The following SATB2 variants were observed in gnomAD, a reference collection of about 807,000 sequenced individuals.
SATB2 encodes the protein SATB homeobox 2.
Under a neutral mutation model 73.4 loss-of-function variants are expected in SATB2, and 1 was observed. The observed-to-expected ratio is 0.01, with a 90% confidence interval of 0.00 to 0.06. The LOEUF (loss-of-function observed/expected upper bound fraction) is 0.06, where lower values mean the gene tolerates loss of function less well. Ranked by LOEUF, SATB2 falls within the 10% of genes least tolerant of loss-of-function variation. The pLI is 1.00. For synonymous variants in SATB2, 397 were observed against 367.0 expected (o/e 1.08, Z -0.93); for missense variants, 459 against 945.8 (o/e 0.49, Z 6.75).
chr2:199,308,111 C>A lies in SATB2; in HGVS notation c.1740+649G>T, dbSNP rs978991905. Among the ~76,000 whole-genome samples, 1 of 152,166 alleles carries A rather than the reference C, an allele frequency of 6.6e-6. No individual in the cohort carries two copies. The highest frequency in any genetic ancestry group is 1.5e-5 in the Non-Finnish European group (1 of 68,036). The stretch of plus-strand genomic sequence containing the variant: ...ATTAATTTTAGACTATGGAAAGTGT[C>A]AGTAGTTAAACTCAATTACTATGGC... On this transcript the variant is annotated intron_variant, in intron 10 of 10. Coordinates refer to ENST00000417098, the MANE Select transcript of SATB2 (RefSeq NM_001172509.2). The surrounding 1 kb of genome is among the most constrained non-coding windows in gnomAD (Gnocchi z 4.6).
At chr2:199,442,328 G>A (rs181514368) in intron 2 of SATB2, among the ~76,000 whole-genome samples, 1 of 152,226 alleles carries the variant, frequency 6.6e-6, no homozygotes, top group African/African-American at 2.4e-5. Context: ...GGGGATGTTG[G>A]CCAGATCACA....
intron 3 of SATB2, among the ~76,000 whole-genome samples, chr2:199,429,944 A>G (rs751255496): frequency 6.6e-6 from 1 of 152,196 alleles, no homozygotes; most frequent in Non-Finnish European, 1.5e-5. Context: ...ATCAACAGTC[A>G]ATTTTAAAAT....
chr2:199,360,899 C>T (rs1282849621), intron 6 of SATB2, among the ~76,000 whole-genome samples: 2 of 151,874 alleles, frequency 1.3e-5, no homozygotes. Flanking sequence ...CCTCCAATTC[C>T]CTCTCCTCTC....
intron 3 of SATB2, among the ~76,000 whole-genome samples, chr2:199,385,466 C>T (rs1442767217): frequency 6.6e-6 from 1 of 152,128 alleles, no homozygotes; most frequent in Non-Finnish European, 1.5e-5. Flanking sequence ...AACAAAAACA[C>T]TATGACAATC....
At chr2:199,420,081 C>A (rs1691119090) in intron 3 of SATB2, among the ~76,000 whole-genome samples, 1 of 152,148 alleles carries the variant, frequency 6.6e-6, no homozygotes, top group African/African-American at 2.4e-5. Flanking sequence ...AAGCCACTGT[C>A]TCAAGAAACA....
intron 10 of SATB2, among the ~76,000 whole-genome samples, chr2:199,289,525 C>A (rs978351535): frequency 6.6e-6 from 1 of 152,180 alleles, no homozygotes; most frequent in African/African-American, 2.4e-5. Flanking sequence ...TGTCTCCACA[C>A]AACGTTGCCT....
chr2:199,356,880 A>G (rs2105835107), intron 6 of SATB2, among the ~76,000 whole-genome samples: 1 of 152,328 alleles, frequency 6.6e-6, no homozygotes, highest in African/African-American at 2.4e-5. Flanking sequence ...TGAAGCACTG[A>G]GCTAAATCCC....
At chr2:199,394,512 G>T (rs1574584718) in intron 3 of SATB2, among the ~76,000 whole-genome samples, 1 of 152,244 alleles carries the variant, frequency 6.6e-6, no homozygotes, top group East Asian at 1.9e-4. Flanking sequence ...AAGGCTGTGG[G>T]CCAGGCTCTG....
intron 6 of SATB2, among the ~76,000 whole-genome samples, chr2:199,358,214 T>C (rs573008586): frequency 3.3e-5 from 5 of 152,232 alleles, no homozygotes. Context: ...CTGCCAACAC[T>C]GAATATGCCT....
chr2:199,417,242 G>A (rs1233043983), intron 3 of SATB2, among the ~76,000 whole-genome samples: 1 of 151,872 alleles, frequency 6.6e-6, no homozygotes, highest in Admixed American at 6.6e-5. Context: ...CCTGTGAAAT[G>A]CTCTAGGAGA....
chr2:199,446,839 C>T (rs1195541993), intron 2 of SATB2, among the ~76,000 whole-genome samples: 2 of 152,110 alleles, frequency 1.3e-5, no homozygotes, highest in African/African-American at 2.4e-5. Context: ...TATGAGACCT[C>T]CACCAGGAGG....
chr2:199,431,517 G>A (rs1691501095), intron 3 of SATB2, among the ~76,000 whole-genome samples: 1 of 152,122 alleles, frequency 6.6e-6, no homozygotes, highest in Admixed American at 6.6e-5. Flanking sequence ...ATAAATAGTA[G>A]AATATTTAGC....
intron 7 of SATB2, among the ~76,000 whole-genome samples, chr2:199,333,684 C>T (rs932973244): frequency 1.3e-5 from 2 of 152,092 alleles, no homozygotes; most frequent in East Asian, 3.9e-4. Context: ...CTGAAGTATA[C>T]ACAAGCTAAC....
intron 6 of SATB2, among the ~76,000 whole-genome samples, chr2:199,352,336 TA>T (rs1334209057): frequency 6.6e-6 from 1 of 152,196 alleles, no homozygotes; most frequent in Non-Finnish European, 1.5e-5. Flanking sequence ...TCATATAATT[TA>T]AAAATACCTC....
At chr2:199,415,851 G>A (rs1156609324) in intron 3 of SATB2, among the ~76,000 whole-genome samples, 1 of 152,156 alleles carries the variant, frequency 6.6e-6, no homozygotes, top group Non-Finnish European at 1.5e-5. Context: ...TGCTCTCCAA[G>A]ACTTCTGCGA....
At chr2:199,458,771 A>G (rs1168619491), upstream of SATB2, 4 of 208,396 alleles carry the variant, frequency 1.9e-5, no homozygotes, top group Non-Finnish European at 2.9e-5. Context: ...GCCTCCGCCC[A>G]CCACCCACCG....
At chr2:199,333,578 C>A (rs1688251937) in intron 7 of SATB2, among the ~76,000 whole-genome samples, 2 of 152,054 alleles carry the variant, frequency 1.3e-5, no homozygotes, top group Non-Finnish European at 2.9e-5. Flanking sequence ...TGTTTCCTTA[C>A]AAGCTGTAAA....
chr2:199,414,413 C>A (rs537390015), intron 3 of SATB2, among the ~76,000 whole-genome samples: 1 of 152,290 alleles, frequency 6.6e-6, no homozygotes, highest in Non-Finnish European at 1.5e-5. Flanking sequence ...TCTCCTCTTT[C>A]CCCATCCACC....
chr2:199,446,128 A>G (rs1426740423), intron 2 of SATB2, among the ~76,000 whole-genome samples: 1 of 152,230 alleles, frequency 6.6e-6, no homozygotes, highest in East Asian at 1.9e-4. Context: ...TTACAATTAC[A>G]GGTGACAAAA....
Sources: gnomAD v4.1 joint callset for allele counts (sites outside exome capture counted in the v4.1 genomes callset) on GRCh38, gnomAD v4.1.1 for gene constraint, Gnocchi (gnomAD v3.1) non-coding constraint, MANE v1.5 for transcripts, NCBI Gene and HGNC (gene_info 2026-07-23, HGNC 2026-07-21) for gene names.